CDH17: variants seen among roughly 807,000 people sequenced by gnomAD.
CDH17 encodes the protein cadherin-17.
A neutral mutation model predicts 86.3 loss-of-function variants in CDH17; 67 were observed. That is an observed-to-expected ratio of 0.78 (90% CI 0.64 to 0.95). The LOEUF (loss-of-function observed/expected upper bound fraction) is 0.95, where lower values mean the gene tolerates loss of function less well. CDH17 is among the 40% of genes least tolerant of loss of function. The pLI is 0.00. For missense variants in CDH17, 993 were observed against 1,017.6 expected, an observed-to-expected ratio of 0.98 and a Z score of 0.33; for synonymous variants, 367 against 366.4, an observed-to-expected ratio of 1.00 and a Z score of -0.02.
At chr8:94,195,541 A>G (rs1813767156) in intron 1 of CDH17, among the ~76,000 whole-genome samples, 1 of 152,182 alleles carries the variant, frequency 6.6e-6, no homozygotes, top group African/African-American at 2.4e-5. Flanking sequence ...AAAGAGATCA[A>G]ACAAAAATCT....
intron 12 of CDH17, among the ~76,000 whole-genome samples, chr8:94,154,594 C>A (rs1563571945): frequency 6.6e-6 from 1 of 152,108 alleles, no homozygotes; most frequent in Admixed American, 6.6e-5. Flanking sequence ...TAATATGAGG[C>A]AGAATTTAAC....
chr8:94,171,808 G>C (rs1421372424), intron 7 of CDH17, among the ~76,000 whole-genome samples: 1 of 152,140 alleles, frequency 6.6e-6, no homozygotes, highest in East Asian at 1.9e-4. Flanking sequence ...AATTTCCACA[G>C]TAAACTATTC....
chr8:94,145,822 A>G, intron 15 of CDH17, 106 bp downstream of exon 15: 1 of 1,229,328 alleles, frequency 8.1e-7, no homozygotes, highest in Non-Finnish European at 1.1e-6. Flanking sequence ...TCCTTCCTGA[A>G]GCATGAAAGA....
chr8:94,158,418 T>C (rs1186155475), intron 12 of CDH17, among the ~76,000 whole-genome samples: 1 of 152,008 alleles, frequency 6.6e-6, no homozygotes, highest in African/African-American at 2.4e-5. Context: ...TAACCACAAA[T>C]GGCCAAGTTA....
chr8:94,178,199 G>A (rs1243787292), intron 3 of CDH17, among the ~76,000 whole-genome samples: 2 of 152,094 alleles, frequency 1.3e-5, no homozygotes, highest in Admixed American at 6.5e-5. Flanking sequence ...TTTCAGAAGT[G>A]GAGAAAATAC....
At chr8:94,208,166 G>A (rs1038006580) in intron 1 of CDH17, among the ~76,000 whole-genome samples, 77 of 152,098 alleles carry the variant, frequency 5.1e-4, no homozygotes, top group African/African-American at 1.7e-3. Flanking sequence ...TCATCACAAA[G>A]AATGGATGTG....
At position 94,174,071 on chromosome 8, in the gene CDH17, G is replaced by A. The variant is rs1039916881; in HGVS notation, c.583+31C>T. On this transcript the variant is annotated intron_variant, in intron 6 of 17. Coordinates refer to ENST00000027335, the MANE Select transcript of CDH17 (RefSeq NM_004063.4). ...GACCAAACTCCCTTTTTCTGATCGA[G>A]ACAGTCCTACCAGGGCACCCCTGAA... 2.5e-6 allele frequency: 4 copies of A among 1,611,226 alleles called. No individual in the cohort carries two copies. The African/African-American group carries it at 5.3e-5, about 22-fold the overall frequency.
intron 10 of CDH17, among the ~76,000 whole-genome samples, chr8:94,162,981 C>T (rs1014538204): frequency 1.3e-5 from 2 of 152,244 alleles, no homozygotes; most frequent in Non-Finnish European, 2.9e-5. Flanking sequence ...ACTGTTTGGA[C>T]TCTGGCTCTG....
chr8:94,185,313 A>ACACACACC (rs1359042770), intron 3 of CDH17, among the ~76,000 whole-genome samples: 5 of 146,726 alleles, frequency 3.4e-5, no homozygotes, highest in African/African-American at 1.3e-4. Flanking sequence ...ACACACACAC[A>ACACACACC]CCCCTGTAAA....
chr8:94,187,910 A>T (rs1019760445), intron 3 of CDH17, among the ~76,000 whole-genome samples: 5 of 152,010 alleles, frequency 3.3e-5, no homozygotes, highest in Non-Finnish European at 7.4e-5. Context: ...GGAGGCCCCT[A>T]ATAACACCCT....
intron 3 of CDH17, among the ~76,000 whole-genome samples, chr8:94,182,139 A>G: frequency 6.6e-6 from 1 of 152,128 alleles, no homozygotes. Context: ...TAATCAAAAA[A>G]TTTCCACACA....
intron 1 of CDH17, chr8:94,202,644 G>A (rs79406323): frequency 0.069 from 10,730 of 156,486 alleles, 1,270 homozygotes; most frequent in African/African-American, 0.24. Context: ...GAATGGTCTC[G>A]AGGGCCGTGC....
intron 13 of CDH17, among the ~76,000 whole-genome samples, chr8:94,150,265 T>G (rs1413286895): frequency 2.0e-5 from 3 of 152,182 alleles, no homozygotes; most frequent in Non-Finnish European, 4.4e-5. Context: ...AAAAGGTCAC[T>G]GACTGCAATT....
At chr8:94,211,365 GCAATGGCA>G (rs1326360416), upstream of CDH17, among the ~76,000 whole-genome samples, 3 of 152,054 alleles carry the variant, frequency 2.0e-5, no homozygotes, top group African/African-American at 7.2e-5. Flanking sequence ...AGGCTGGAGT[GCAATGGCA>G]CAATCTCAGC....
At position 94,160,027 on chromosome 8, in the gene CDH17, G is replaced by A. The variant is rs138443475; in HGVS notation, c.1495C>T (p.Arg499Cys). The A allele has an allele frequency of 2.3e-4, 377 of 1,613,544 alleles. No homozygotes were observed. Among genetic ancestry groups the A allele is most frequent in the Non-Finnish European group, 2.8e-4 (336 of 1,179,678 alleles). ...YHIIKGDSEG[R>C]LGVDTDPHTN... is the part of the protein sequence containing the mutation. ...TGGGGATCTGTGTCAACCCCCAGGC[G>A]TCCCTCACTGTCTCCCTTTATGATA... Residue 499 changes from arginine to cysteine, a missense_variant, in exon 12 of 18, where the codon CGC (arginine) becomes TGC (cysteine). Coordinates refer to ENST00000027335, the MANE Select transcript of CDH17 (RefSeq NM_004063.4).
Position 94,142,342 on chromosome 8 carries a change from C to T in CDH17, c.2167+3586G>A, listed in dbSNP as rs1015990746. On this transcript the variant is annotated intron_variant, in intron 15 of 17. Coordinates refer to ENST00000027335, the MANE Select transcript of CDH17 (RefSeq NM_004063.4). ...CATTATACCTAAAAATAAAAAACCC[C>T]TAAATGTCCATACCTTAATTTAAAA... Among the ~76,000 whole-genome samples, 116 of 152,174 alleles carry T rather than the reference C, an allele frequency of 7.6e-4. 3 individuals are homozygous for T. The highest frequency in any genetic ancestry group is 2.1e-4 in the Non-Finnish European group (14 of 68,022).
intron 15 of CDH17, among the ~76,000 whole-genome samples, chr8:94,138,491 G>A (rs1202789899): frequency 6.6e-6 from 1 of 152,178 alleles, no homozygotes; most frequent in Admixed American, 6.5e-5. Flanking sequence ...CTGAGTTGAG[G>A]TGATGGAGCA....
intron 1 of CDH17, among the ~76,000 whole-genome samples, chr8:94,215,524 A>G (rs1367001789): frequency 6.6e-6 from 1 of 152,192 alleles, no homozygotes; most frequent in Admixed American, 6.5e-5. Context: ...GCTAAAAGAC[A>G]TGGGGCTGCT....
chr8:94,128,044 G>A lies in CDH17; in HGVS notation c.*196C>T, dbSNP rs1812335130. Reference sequence around the variant, plus strand: ...GGAGGCGGAGGTTGCAGTGAGCTGGGATCACACCACTGTACTCCAGCCTGG... The same window carrying A: ...GGAGGCGGAGGTTGCAGTGAGCTGGAATCACACCACTGTACTCCAGCCTGG... On this transcript the variant is annotated 3_prime_UTR_variant, in exon 18 of 18. Transcript: ENST00000027335. 2.0e-6 allele frequency: 1 copy of A among 509,922 alleles called. No homozygotes were observed. The highest frequency in any genetic ancestry group is 3.5e-6 in the Non-Finnish European group (1 of 287,580). 31.6% of individuals were successfully genotyped at this position (509,922 alleles called of 1,614,324 possible). A position where few individuals can be genotyped will look rare whatever the true frequency, so the allele number is the denominator to read the frequency against.
Sources: gnomAD v4.1 joint callset for allele counts (sites outside exome capture counted in the v4.1 genomes callset) on GRCh38, gnomAD v4.1.1 for gene constraint, MANE v1.5 for transcripts, NCBI Gene and HGNC (gene_info 2026-07-23, HGNC 2026-07-21) for gene names.